Variants in KDM4C observed in about 807,000 individuals in gnomAD.
KDM4C encodes the protein lysine demethylase 4C, also known as lysine-specific demethylase 4C.
KDM4C carries 81 observed loss-of-function variants against 129.3 expected under a neutral mutation model. That is an observed-to-expected ratio of 0.63 (90% CI 0.52 to 0.75). The LOEUF (loss-of-function observed/expected upper bound fraction) is 0.75, where lower values mean the gene tolerates loss of function less well. Ranked by LOEUF, KDM4C falls within the 30% of genes least tolerant of loss-of-function variation. KDM4C has a pLI of 0.00. For synonymous variants in KDM4C, 573 were observed against 456.1 expected, an observed-to-expected ratio of 1.26 and a Z score of -3.26; for missense variants, 1,457 against 1,304.0, an observed-to-expected ratio of 1.12 and a Z score of -1.81.
chr9:6,728,751 C>T lies in KDM4C; in HGVS notation c.49+7754C>T, dbSNP rs147349580. Among the ~76,000 whole-genome samples the T allele has an allele frequency of 9.4e-3, 1,425 of 152,166 alleles. 20 individuals are homozygous for T. Among genetic ancestry groups the T allele is most frequent in the African/African-American group, 0.033 (1,355 of 41,516 alleles). ...ATCCCAGCTACTCAGGAGGCTGAGG[C>T]AGGAGAATCGCCTGAACCCGGGAAG... On this transcript the variant is annotated intron_variant, in intron 1 of 17. Transcript: ENST00000536108.
intron 17 of KDM4C, among the ~76,000 whole-genome samples, chr9:7,049,769 T>C (rs1488670038): frequency 1.3e-5 from 2 of 152,172 alleles, no homozygotes; most frequent in Non-Finnish European, 2.9e-5. Context: ...GCATTTTTCA[T>C]TGAAAATATA....
chr9:6,793,052 T>G lies in KDM4C; in HGVS notation c.64T>G (p.Ser22Ala). 3.1e-6 allele frequency: 5 copies of G among 1,614,106 alleles called. No individual in the cohort carries two copies. The highest frequency in any genetic ancestry group is 4.2e-6 in the Non-Finnish European group (5 of 1,180,006). The change falls in exon 2 of 22, where the codon TCC becomes GCC. Residue 22 changes from serine to alanine, a missense_variant. Physicochemically the swap from Ser to Ala is moderately conservative, Grantham distance 99. Transcript: ENST00000381309. ...PSCKIMTFRP[S>A]MEEFREFNKY... is the part of the protein sequence containing the mutation. ...CTGTAAGATAATGACCTTCAGACCCTCCATGGAGGAGTTCCGGGAGTTCAA... is the reference window on the plus strand; with the variant it reads ...CTGTAAGATAATGACCTTCAGACCCGCCATGGAGGAGTTCCGGGAGTTCAA...
intron 10 of KDM4C, among the ~76,000 whole-genome samples, chr9:6,985,684 T>G (rs993445359): frequency 2.6e-5 from 4 of 152,144 alleles, no homozygotes; most frequent in Non-Finnish European, 5.9e-5. Flanking sequence ...ATAGTCCCTT[T>G]TTTTAAAATT....
At chr9:6,812,488 G>A (rs958767000) in intron 3 of KDM4C, among the ~76,000 whole-genome samples, 3 of 152,128 alleles carry the variant, frequency 2.0e-5, no homozygotes, top group African/African-American at 4.8e-5. Flanking sequence ...GATGGTTTCG[G>A]GATGAAACGG....
intron 17 of KDM4C, among the ~76,000 whole-genome samples, chr9:7,087,089 CT>C (rs56161284): frequency 2.0e-4 from 29 of 145,488 alleles, no homozygotes; most frequent in African/African-American, 2.3e-4. Flanking sequence ...TTACGTGGCT[CT>C]TTTTTTTTTT....
intron 1 of KDM4C, among the ~76,000 whole-genome samples, chr9:6,768,638 A>AT (rs1821127707): frequency 6.6e-6 from 1 of 152,162 alleles, no homozygotes; most frequent in African/African-American, 2.4e-5. Flanking sequence ...GAATTGTGCA[A>AT]TATGTATTCT....
intron 2 of KDM4C, among the ~76,000 whole-genome samples, chr9:6,801,175 A>G (rs1189374505): frequency 1.3e-5 from 2 of 151,718 alleles, no homozygotes; most frequent in South Asian, 2.1e-4. Context: ...CCTAAATGTG[A>G]AAGACAAGAC....
chr9:7,052,139 C>T (rs1488362060), intron 17 of KDM4C, among the ~76,000 whole-genome samples: 2 of 152,176 alleles, frequency 1.3e-5, no homozygotes, highest in African/African-American at 2.4e-5. Context: ...TTTTTAAAAA[C>T]AAACCTGGAT....
chr9:7,136,754 T>G (rs1477122047), intron 19 of KDM4C, among the ~76,000 whole-genome samples: 1 of 152,218 alleles, frequency 6.6e-6, no homozygotes, highest in African/African-American at 2.4e-5. Flanking sequence ...TACAAACACT[T>G]TCTCCTGGTT....
chr9:7,091,456 C>T (rs972680250), intron 17 of KDM4C, among the ~76,000 whole-genome samples: 11 of 152,020 alleles, frequency 7.2e-5, no homozygotes, highest in Admixed American at 1.3e-4. Context: ...GAGTTTTTCC[C>T]TCTAGGAAAA....
chr9:7,021,061 G>A (rs1824738185), intron 15 of KDM4C, among the ~76,000 whole-genome samples: 1 of 151,644 alleles, frequency 6.6e-6, no homozygotes, highest in South Asian at 2.1e-4. Flanking sequence ...TTTGTGAAGA[G>A]TGTCAATGGT....
chr9:7,085,465 T>C (rs1284094175), intron 17 of KDM4C, among the ~76,000 whole-genome samples: 2 of 152,200 alleles, frequency 1.3e-5, no homozygotes, highest in African/African-American at 4.8e-5. Flanking sequence ...AAACAGGCTT[T>C]TTTCAGGTCT....
At chr9:6,973,409 A>G (rs766754466) in intron 8 of KDM4C, among the ~76,000 whole-genome samples, 15 of 152,224 alleles carry the variant, frequency 9.9e-5, no homozygotes, top group African/African-American at 1.4e-4. Flanking sequence ...TGGTCTAGTT[A>G]GCTTTCTTTA....
chr9:7,152,465 G>T lies in KDM4C; in HGVS notation c.2782-12773G>T, dbSNP rs562097408. Among the ~76,000 whole-genome samples the T allele has an allele frequency of 5.3e-5, 8 of 152,314 alleles. No individual in the cohort carries two copies. The South Asian group carries it at 1.7e-3, about 32-fold the overall frequency. ...TATGTCCACGAAAGAAATATTGTAG[G>T]ATTTCGCTTACATGAGGTACCTAGA... On this transcript the variant is annotated intron_variant, in intron 19 of 21. Coordinates refer to ENST00000381309, the MANE Select transcript of KDM4C (RefSeq NM_015061.6).
At chr9:7,105,275 A>T in intron 18 of KDM4C, 2 of 338,194 alleles carry the variant, frequency 5.9e-6, no homozygotes, top group Non-Finnish European at 6.0e-6. Context: ...CTGAAGTCAG[A>T]GTAGTTGGTG....
intron 4 of KDM4C, among the ~76,000 whole-genome samples, chr9:6,817,585 T>C (rs1028388456): frequency 6.6e-6 from 1 of 152,032 alleles, no homozygotes; most frequent in Non-Finnish European, 1.5e-5. Context: ...AAAATAAAAG[T>C]TAAAAAAATA....
intron 1 of KDM4C, among the ~76,000 whole-genome samples, chr9:6,792,120 T>G (rs1269962117): frequency 6.6e-6 from 1 of 152,086 alleles, no homozygotes; most frequent in Non-Finnish European, 1.5e-5. Context: ...GCTGGCGGAT[T>G]GGCTGAGGTC....
chr9:7,145,166 ATAGAGT>A (rs34137932), intron 19 of KDM4C, among the ~76,000 whole-genome samples: 29,552 of 152,008 alleles, frequency 0.19, 3,086 homozygotes, highest in Middle Eastern at 0.34. Flanking sequence ...AGCTGACATT[ATAGAGT>A]TAAAGGTGCG....
At chr9:6,861,919 G>A (rs1841009132) in intron 5 of KDM4C, among the ~76,000 whole-genome samples, 2 of 151,890 alleles carry the variant, frequency 1.3e-5, no homozygotes, top group African/African-American at 4.8e-5. Context: ...CTACAGGCAT[G>A]TGCCACCATG....
Sources: allele counts gnomAD v4.1 joint callset (sites outside exome capture counted in the v4.1 genomes callset), GRCh38; gene constraint gnomAD v4.1.1; transcripts MANE v1.5; gene names NCBI Gene and HGNC (gene_info 2026-07-23, HGNC 2026-07-21).